The following CHCHD3 variants were observed in gnomAD, a reference collection of about 807,000 sequenced individuals.
CHCHD3 encodes MICOS complex subunit MIC19.
CHCHD3 carries 20 observed loss-of-function variants against 38.2 expected under a neutral mutation model. The observed-to-expected ratio is 0.52, with a 90% CI of 0.37 to 0.76. CHCHD3 has a LOEUF of 0.76. Ranked by LOEUF, CHCHD3 falls within the 30% of genes least tolerant of loss-of-function variation. CHCHD3 has a pLI of 0.00. For missense variants in CHCHD3, 245 were observed against 279.2 expected, an observed-to-expected ratio of 0.88 and a Z score of 0.87; for synonymous variants, 82 against 100.0, an observed-to-expected ratio of 0.82 and a Z score of 1.07.
At chr7:132,809,526 C>T (rs10260455) in intron 6 of CHCHD3, among the ~76,000 whole-genome samples, 23,425 of 152,142 alleles carry the variant, frequency 0.15, 1,895 homozygotes, top group Middle Eastern at 0.19. Context: ...CTCTCCTCCA[C>T]CTACCAAAGC....
chr7:132,898,748 C>T (rs1468679741), intron 4 of CHCHD3, among the ~76,000 whole-genome samples: 1 of 152,236 alleles, frequency 6.6e-6, no homozygotes, highest in African/African-American at 2.4e-5. Context: ...CGAGCCTTGC[C>T]CCACGGGAAG....
intron 5 of CHCHD3, among the ~76,000 whole-genome samples, chr7:132,874,181 A>G (rs117733853): frequency 0.048 from 7,372 of 152,262 alleles, 228 homozygotes; most frequent in East Asian, 0.11. Context: ...GCTTTTATAG[A>G]GTTTATACAA....
intron 1 of CHCHD3, among the ~76,000 whole-genome samples, chr7:133,073,278 C>T (rs906586909): frequency 2.0e-5 from 3 of 152,070 alleles, no homozygotes; most frequent in Non-Finnish European, 2.9e-5. Flanking sequence ...CCTGCCTGCA[C>T]TTCAATGCTG....
At chr7:132,985,556 G>A (rs545621735) in intron 3 of CHCHD3, among the ~76,000 whole-genome samples, 1 of 83,104 alleles carries the variant, frequency 1.2e-5, no homozygotes, top group Non-Finnish European at 2.5e-5. Flanking sequence ...GGAGGTGGGG[G>A]GGTCAGCCCC....
At chr7:132,970,319 T>C (rs1417964594) in intron 4 of CHCHD3, among the ~76,000 whole-genome samples, 1 of 152,210 alleles carries the variant, frequency 6.6e-6, no homozygotes, top group African/African-American at 2.4e-5. Flanking sequence ...TTCTTCCCCA[T>C]TTCCTCTCCT....
intron 5 of CHCHD3, among the ~76,000 whole-genome samples, chr7:132,839,527 CAACAACAACAA>C (rs1295025157): frequency 6.6e-6 from 1 of 152,168 alleles, no homozygotes; most frequent in Non-Finnish European, 1.5e-5. Flanking sequence ...CATTAAAAAA[CAACAACAACAA>C]AACACCACCA....
At chr7:132,984,936 C>CAGGA (rs1812054610) in intron 3 of CHCHD3, among the ~76,000 whole-genome samples, 1 of 74,602 alleles carries the variant, frequency 1.3e-5, no homozygotes, top group Non-Finnish European at 2.8e-5. Context: ...CCGCCCCGTC[C>CAGGA]GGGAGGTGAG....
At chr7:132,820,426 G>T (rs925570090) in intron 6 of CHCHD3, among the ~76,000 whole-genome samples, 10 of 152,134 alleles carry the variant, frequency 6.6e-5, no homozygotes, top group Non-Finnish European at 1.3e-4. Context: ...AAAACAACAG[G>T]AGGGACTGGA....
chr7:132,810,256 C>T (rs1219675804), intron 6 of CHCHD3, among the ~76,000 whole-genome samples: 4 of 152,110 alleles, frequency 2.6e-5, no homozygotes, highest in Non-Finnish European at 4.4e-5. Flanking sequence ...AATACACCTT[C>T]GAAGTATTTT....
intron 4 of CHCHD3, among the ~76,000 whole-genome samples, chr7:132,914,121 GGCGTGTGT>G (rs1375680086): frequency 5.3e-5 from 6 of 114,016 alleles, no homozygotes; most frequent in African/African-American, 2.1e-4. Context: ...CACCATGCCT[GGCGTGTGT>G]GTGTGTGTGT....
chr7:132,952,126 C>T (rs1811049892), intron 4 of CHCHD3, among the ~76,000 whole-genome samples: 1 of 152,232 alleles, frequency 6.6e-6, no homozygotes, highest in African/African-American at 2.4e-5. Context: ...AGCAGGTTTG[C>T]TAGGCAAGAC....
intron 4 of CHCHD3, among the ~76,000 whole-genome samples, chr7:132,968,545 G>A (rs1170899587): frequency 6.6e-6 from 1 of 152,182 alleles, no homozygotes; most frequent in Non-Finnish European, 1.5e-5. Context: ...TTGGAGGTTA[G>A]TGTCTAGGGC....
intron 3 of CHCHD3, among the ~76,000 whole-genome samples, chr7:132,996,105 C>T (rs1320647776): frequency 6.6e-6 from 1 of 152,174 alleles, no homozygotes; most frequent in Non-Finnish European, 1.5e-5. Flanking sequence ...AGTCACTATG[C>T]TATATCTTGA....
chr7:132,977,335 A>G lies in CHCHD3; in HGVS notation c.252-2049T>C, dbSNP rs368675209. ...CAAACTGTCTTTTCATAAGCCCTCTAGAATTCTGATGCATGCTAAAGTTTA... is the reference window on the plus strand; with the variant it reads ...CAAACTGTCTTTTCATAAGCCCTCTGGAATTCTGATGCATGCTAAAGTTTA... On this transcript the variant is annotated intron_variant, in intron 3 of 7. Transcript: ENST00000262570. Among the ~76,000 whole-genome samples, 493 of 152,332 alleles carry G rather than the reference A, an allele frequency of 3.2e-3. 3 individuals are homozygous for G. The South Asian group carries it at 0.038, about 12-fold the overall frequency.
At chr7:133,041,906 A>C (rs1335472094) in intron 2 of CHCHD3, among the ~76,000 whole-genome samples, 1 of 152,254 alleles carries the variant, frequency 6.6e-6, no homozygotes, top group East Asian at 1.9e-4. Context: ...TGATACGCTA[A>C]TAGTCCTATG....
chr7:132,902,814 T>C (rs1180220051), intron 4 of CHCHD3, among the ~76,000 whole-genome samples: 1 of 152,058 alleles, frequency 6.6e-6, no homozygotes, highest in Non-Finnish European at 1.5e-5. Flanking sequence ...ACTTAAAGTA[T>C]AATAAATAAA....
chr7:132,860,743 C>T (rs1409136909), intron 5 of CHCHD3, among the ~76,000 whole-genome samples: 1 of 152,068 alleles, frequency 6.6e-6, no homozygotes, highest in Non-Finnish European at 1.5e-5. Context: ...TCTCCTGCCT[C>T]GGCCTCCCAA....
At chr7:132,963,370 G>A (rs960434681) in intron 4 of CHCHD3, among the ~76,000 whole-genome samples, 52 of 112,456 alleles carry the variant, frequency 4.6e-4, no homozygotes, top group Admixed American at 1.2e-3. Context: ...TGTGGCTCAC[G>A]CCTATAATCC....
At chr7:132,815,886 G>A (rs1807190347) in intron 6 of CHCHD3, among the ~76,000 whole-genome samples, 1 of 152,174 alleles carries the variant, frequency 6.6e-6, no homozygotes, top group Admixed American at 6.5e-5. Context: ...GCCAGTGACA[G>A]ACATCACTAA....
Sources: allele counts gnomAD v4.1 joint callset (sites outside exome capture counted in the v4.1 genomes callset), GRCh38; gene constraint gnomAD v4.1.1; transcripts MANE v1.5; gene names NCBI Gene and HGNC (gene_info 2026-07-23, HGNC 2026-07-21).